The following FHIT variants were observed in gnomAD, a reference collection of about 807,000 sequenced individuals.
FHIT encodes the protein fragile histidine triad diadenosine triphosphatase, also known as bis(5'-adenosyl)-triphosphatase.
Under a neutral mutation model 17.9 loss-of-function variants are expected in FHIT, and 19 were observed. The ratio of observed to expected loss-of-function variants is 1.06; its 90% CI spans 0.74 to 1.56. The LOEUF is 1.56. Among genes scored for constraint, FHIT ranks in the 40% most tolerant of loss-of-function variants. The pLI is 0.00. For synonymous variants in FHIT, 81 were observed against 69.7 expected (o/e 1.16, Z -0.81); for missense variants, 248 against 189.2 (o/e 1.31, Z -1.82).
chr3:60,909,136 TGA>T (rs1259625102), intron 3 of FHIT, among the ~76,000 whole-genome samples: 2 of 152,016 alleles, frequency 1.3e-5, no homozygotes, highest in Non-Finnish European at 2.9e-5. Flanking sequence ...TTTGGGAGGC[TGA>T]GATGGGTGGA....
chr3:59,912,568 T>A (rs1326761185), intron 8 of FHIT, among the ~76,000 whole-genome samples: 1 of 152,198 alleles, frequency 6.6e-6, no homozygotes, highest in East Asian at 1.9e-4. Flanking sequence ...AGTCTTCATA[T>A]CAACTGATAG....
chr3:60,143,875 T>C lies in FHIT; in HGVS notation c.104-129723A>G, dbSNP rs111786900. 2.5e-3 allele frequency among the ~76,000 whole-genome samples: 375 copies of C among 152,274 alleles called. 3 individuals are homozygous for C. The highest frequency in any genetic ancestry group is 8.4e-3 in the African/African-American group (348 of 41,570). On this transcript the variant is annotated intron_variant, in intron 5 of 9. Coordinates refer to ENST00000492590, the MANE Select transcript of FHIT (RefSeq NM_002012.4). ...CAAAATTAAATAAAGGTTGAGGTCA[T>C]AGGCCTCCAAATACAGGCCATACAG...
intron 7 of FHIT, among the ~76,000 whole-genome samples, chr3:59,993,268 C>G (rs868150288): frequency 6.6e-6 from 1 of 152,040 alleles, no homozygotes; most frequent in Non-Finnish European, 1.5e-5. Context: ...AGAATTGCAA[C>G]CCCGGAAAGA....
intron 8 of FHIT, among the ~76,000 whole-genome samples, chr3:59,786,194 C>T (rs964989024): frequency 2.0e-5 from 3 of 152,168 alleles, no homozygotes; most frequent in African/African-American, 7.2e-5. Context: ...AATAAAGATG[C>T]TGACCCACCT....
chr3:60,421,726 T>G (rs897114700), intron 5 of FHIT, among the ~76,000 whole-genome samples: 1 of 152,106 alleles, frequency 6.6e-6, no homozygotes, highest in Admixed American at 6.6e-5. Flanking sequence ...CCTATTAATA[T>G]CAATTTGCTT....
chr3:60,951,846 A>G (rs550430220), intron 3 of FHIT, among the ~76,000 whole-genome samples: 1 of 152,272 alleles, frequency 6.6e-6, no homozygotes, highest in South Asian at 2.1e-4. Flanking sequence ...ATAAAGGGAA[A>G]GGTCTCTTTG....
chr3:60,890,288 G>T (rs1705448099), intron 3 of FHIT, among the ~76,000 whole-genome samples: 1 of 145,828 alleles, frequency 6.9e-6, no homozygotes, highest in African/African-American at 2.6e-5. Context: ...CTTGTGAAGA[G>T]ACTGAGGTCA....
chr3:61,011,919 C>T (rs1367580595), intron 3 of FHIT, among the ~76,000 whole-genome samples: 1 of 152,122 alleles, frequency 6.6e-6, no homozygotes, highest in Non-Finnish European at 1.5e-5. Context: ...ATGGGAAGGA[C>T]CACAAGGAAG....
chr3:60,058,130 GTTTTTTTTTTTTT>G lies in FHIT; in HGVS notation c.104-43991_104-43979del, dbSNP rs71089573. ...TATTGTATAATGAGTACAGAGTTGTGTTTTTTTTTTTTTTTTTTTTTTTTTTTTGAGACAGAGT... is the reference window on the plus strand; with the variant it reads ...TATTGTATAATGAGTACAGAGTTGTGTTTTTTTTTTTTTTTGAGACAGAGT... On this transcript the variant is annotated intron_variant, in intron 5 of 9. Transcript: ENST00000492590. Among the ~76,000 whole-genome samples the G allele has an allele frequency of 2.0e-3, 131 of 66,362 alleles. 2 individuals carry two copies. Among genetic ancestry groups the G allele is most frequent in the African/African-American group, 7.1e-3 (122 of 17,282 alleles). The allele number at this position is 66,362 out of a possible 152,430, so 43.5% of individuals were successfully genotyped here. A position where few individuals can be genotyped will look rare whatever the true frequency, so the allele number is the denominator to read the frequency against.
chr3:61,174,647 T>G (rs536967886), intron 2 of FHIT, among the ~76,000 whole-genome samples: 23 of 152,368 alleles, frequency 1.5e-4, no homozygotes, highest in African/African-American at 5.5e-4. Flanking sequence ...GCCAGGCCAA[T>G]CTGTGTCTTC....
intron 3 of FHIT, among the ~76,000 whole-genome samples, chr3:60,855,938 T>C (rs1182307746): frequency 6.6e-6 from 1 of 152,116 alleles, no homozygotes; most frequent in Non-Finnish European, 1.5e-5. Flanking sequence ...ACACCCATGT[T>C]ATGGAGTGTG....
intron 5 of FHIT, among the ~76,000 whole-genome samples, chr3:60,192,384 T>C (rs1320324323): frequency 6.6e-6 from 1 of 151,788 alleles, no homozygotes; most frequent in Non-Finnish European, 1.5e-5. Context: ...TCAGCATGAA[T>C]GCTGTGGCTG....
chr3:60,386,716 G>C (rs1701024946), intron 5 of FHIT, among the ~76,000 whole-genome samples: 1 of 152,142 alleles, frequency 6.6e-6, no homozygotes, highest in Admixed American at 6.5e-5. Flanking sequence ...TACTCTACCT[G>C]CAAAAGAGCA....
intron 4 of FHIT, among the ~76,000 whole-genome samples, chr3:60,762,760 T>C (rs1277282724): frequency 1.9e-5 from 2 of 106,216 alleles, no homozygotes; most frequent in Non-Finnish European, 3.6e-5. Context: ...ATTCAATTAG[T>C]TGACAATTAG....
chr3:59,771,861 A>G (rs1279832459), intron 8 of FHIT, among the ~76,000 whole-genome samples: 1 of 152,188 alleles, frequency 6.6e-6, no homozygotes, highest in Non-Finnish European at 1.5e-5. Context: ...AAAGCTATGT[A>G]TGACTCCTTT....
chr3:61,176,292 C>A (rs987974084), intron 2 of FHIT, among the ~76,000 whole-genome samples: 6 of 152,198 alleles, frequency 3.9e-5, no homozygotes, highest in African/African-American at 1.2e-4. Context: ...AAAAGTGCTG[C>A]AATCATTTTA....
At chr3:60,619,183 G>C (rs1415750375) in intron 4 of FHIT, among the ~76,000 whole-genome samples, 2 of 149,842 alleles carry the variant, frequency 1.3e-5, no homozygotes, top group East Asian at 1.9e-4. Context: ...TCTTACAAGA[G>C]TAATTACATT....
At chr3:61,212,359 A>G (rs1246515896) in intron 1 of FHIT, among the ~76,000 whole-genome samples, 1 of 152,254 alleles carries the variant, frequency 6.6e-6, no homozygotes, top group Non-Finnish European at 1.5e-5. Context: ...AAGAATGCAG[A>G]AGCCTCAGGA....
intron 5 of FHIT, among the ~76,000 whole-genome samples, chr3:60,211,229 A>G (rs988671842): frequency 6.6e-6 from 1 of 151,992 alleles, no homozygotes; most frequent in Non-Finnish European, 1.5e-5. Context: ...GAAAGGATGG[A>G]ACACAAATAT....
Sources: gnomAD v4.1 joint callset for allele counts (sites outside exome capture counted in the v4.1 genomes callset) on GRCh38, gnomAD v4.1.1 for gene constraint, MANE v1.5 for transcripts, NCBI Gene and HGNC (gene_info 2026-07-23, HGNC 2026-07-21) for gene names.